The following HYAL4 variants were observed in gnomAD, a reference collection of about 807,000 sequenced individuals.
The protein encoded by HYAL4 is hyaluronidase 4, also known as hyaluronidase-4.
Under a neutral mutation model 35.2 loss-of-function variants are expected in HYAL4, and 37 were observed. The observed-to-expected ratio is 1.05, with a 90% CI of 0.81 to 1.38. HYAL4 has a LOEUF of 1.38. HYAL4 is among the 40% of genes most tolerant of loss of function. HYAL4 has a pLI of 0.00. For missense variants in HYAL4, 572 were observed against 572.4 expected (o/e 1.00, Z 0.01); for synonymous variants, 198 against 203.2 (o/e 0.97, Z 0.22).
chr7:123,799,809 C>A, the HYAL4 span, among the ~76,000 whole-genome samples: 1 of 152,124 alleles, frequency 6.6e-6, no homozygotes, highest in East Asian at 1.9e-4. Context: ...TACTTCAATT[C>A]TAATATGAAT....
At chr7:123,874,888 A>G in intron 4 of HYAL4, 38 bp downstream of exon 4, 2 of 1,158,254 alleles carry the variant, frequency 1.7e-6, no homozygotes, top group South Asian at 1.2e-5. Flanking sequence ...AATGTTTTCT[A>G]TTAAAAGTAT....
At chr7:123,848,485 A>G (rs1038863170) in intron 2 of HYAL4, among the ~76,000 whole-genome samples, 1 of 152,162 alleles carries the variant, frequency 6.6e-6, no homozygotes, top group Non-Finnish European at 1.5e-5. Context: ...AGTTTCTGTG[A>G]TTGCATTACT....
At chr7:123,858,912 T>C in intron 2 of HYAL4, among the ~76,000 whole-genome samples, 1 of 152,188 alleles carries the variant, frequency 6.6e-6, no homozygotes, top group East Asian at 1.9e-4. Context: ...TATTTTGTGT[T>C]GTAAACACAC....
chr7:123,827,845 A>G (rs1279324756), upstream of HYAL4, among the ~76,000 whole-genome samples: 2 of 152,210 alleles, frequency 1.3e-5, no homozygotes, highest in Non-Finnish European at 2.9e-5. Context: ...ATTATGAATT[A>G]GTTTTAATAT....
chr7:123,791,158 G>C, the HYAL4 span, among the ~76,000 whole-genome samples: 4 of 152,112 alleles, frequency 2.6e-5, no homozygotes, highest in East Asian at 1.9e-4. Flanking sequence ...GTGGTGACAG[G>C]CTCCTTGAAT....
chr7:123,802,947 A>G, the HYAL4 span, among the ~76,000 whole-genome samples: 1 of 152,216 alleles, frequency 6.6e-6, no homozygotes, highest in Non-Finnish European at 1.5e-5. Flanking sequence ...GAAAGACACT[A>G]GGCTCCATAC....
the HYAL4 span, among the ~76,000 whole-genome samples, chr7:123,796,597 A>C: frequency 6.6e-6 from 1 of 152,206 alleles, no homozygotes; most frequent in Non-Finnish European, 1.5e-5. Flanking sequence ...TACATGTCCA[A>C]GATAAGTGAA....
chr7:123,764,546 G>C, the HYAL4 span, among the ~76,000 whole-genome samples: 1 of 152,192 alleles, frequency 6.6e-6, no homozygotes, highest in South Asian at 2.1e-4. Context: ...ATCTCAGTAA[G>C]AATTTGTTGA....
intron 3 of HYAL4, among the ~76,000 whole-genome samples, chr7:123,872,635 T>C (rs1345571656): frequency 6.6e-6 from 1 of 152,210 alleles, no homozygotes; most frequent in African/African-American, 2.4e-5. Flanking sequence ...ACATCTACTT[T>C]GTTCCTTCTT....
intron 1 of HYAL4, among the ~76,000 whole-genome samples, chr7:123,830,077 C>T (rs987902716): frequency 1.3e-5 from 2 of 152,142 alleles, no homozygotes; most frequent in Admixed American, 6.5e-5. Flanking sequence ...TGTTTGCACT[C>T]CAGTAATTGG....
chr7:123,807,432 G>GTTTGTGTTTTT, the HYAL4 span, among the ~76,000 whole-genome samples: 1 of 120,802 alleles, frequency 8.3e-6, no homozygotes, highest in Non-Finnish European at 1.7e-5. Flanking sequence ...ACTTTTTATG[G>GTTTGTGTTTTT]TTTTTTTTTT....
the HYAL4 span, among the ~76,000 whole-genome samples, chr7:123,789,891 A>G: frequency 6.6e-6 from 1 of 152,108 alleles, no homozygotes; most frequent in Non-Finnish European, 1.5e-5. Flanking sequence ...GAGAGTGAGA[A>G]TGAGTGAGCC....
chr7:123,841,516 TAGAG>T, upstream of HYAL4, among the ~76,000 whole-genome samples: 1 of 152,198 alleles, frequency 6.6e-6, no homozygotes, highest in East Asian at 1.9e-4. Flanking sequence ...TAGAATGAGT[TAGAG>T]AGGATTCCCT....
intron 1 of HYAL4, among the ~76,000 whole-genome samples, chr7:123,847,847 G>T (rs537255511): frequency 2.0e-5 from 3 of 152,056 alleles, no homozygotes; most frequent in Non-Finnish European, 4.4e-5. Context: ...CTTTATTCTG[G>T]AAGTCTTACA....
chr7:123,853,136 A>G (rs1015703489), intron 2 of HYAL4, among the ~76,000 whole-genome samples: 3 of 152,150 alleles, frequency 2.0e-5, no homozygotes, highest in Admixed American at 6.6e-5. Flanking sequence ...GAGATTTTGG[A>G]CTGAGATGAT....
At chr7:123,870,673 T>C (rs997315897) in intron 3 of HYAL4, among the ~76,000 whole-genome samples, 9 of 151,666 alleles carry the variant, frequency 5.9e-5, no homozygotes, top group Non-Finnish European at 4.4e-5. Context: ...GAGAAGAGAA[T>C]TGCTTGAACT....
chr7:123,784,499 AAT>A, the HYAL4 span, among the ~76,000 whole-genome samples: 1 of 152,328 alleles, frequency 6.6e-6, no homozygotes, highest in South Asian at 2.1e-4. Flanking sequence ...ATTATTTTGG[AAT>A]ATTCTTACTG....
the HYAL4 span, among the ~76,000 whole-genome samples, chr7:123,794,173 T>C: frequency 6.6e-6 from 1 of 152,188 alleles, no homozygotes; most frequent in East Asian, 1.9e-4. Context: ...TAGAGAACTG[T>C]GGAACTTTGA....
chr7:123,868,298 T>C lies in HYAL4; in HGVS notation c.25T>C (p.Leu9=), dbSNP rs763037035. ...CATGAAAGTATTATCTGAAGGACAG[T>C]TAAAGCTTTGTGTTGTTCAACCAGT... MKVLSEGQ[L]KLCVVQPVHL... The change falls in exon 3 of 5, where the codon TTA becomes CTA. Residue 9 remains leucine (L), a synonymous_variant. Coordinates refer to ENST00000223026, the MANE Select transcript of HYAL4 (RefSeq NM_012269.3). The C allele has an allele frequency of 3.8e-6, 6 of 1,566,776 alleles. No individual in the cohort carries two copies. The highest frequency in any genetic ancestry group is 3.6e-4 in the Middle Eastern group (2 of 5,532).
Sources: gnomAD v4.1 joint callset for allele counts (sites outside exome capture counted in the v4.1 genomes callset) on GRCh38, gnomAD v4.1.1 for gene constraint, MANE v1.5 for transcripts, NCBI Gene and HGNC (gene_info 2026-07-23, HGNC 2026-07-21) for gene names.